Variants in MYO10 observed in about 807,000 individuals in gnomAD.
MYO10 encodes the protein unconventional myosin-X.
MYO10 carries 133 observed loss-of-function variants against 257.3 expected under a neutral mutation model. The ratio of observed to expected loss-of-function variants is 0.52; its 90% CI spans 0.45 to 0.60. The LOEUF (loss-of-function observed/expected upper bound fraction) is 0.60. Among genes scored for constraint, MYO10 ranks in the 20% least tolerant of loss-of-function variants. The probability of loss-of-function intolerance (pLI) is 0.00; values close to 1 mark genes in which losing one functional copy is unlikely to be tolerated. For synonymous variants in MYO10, 1,104 were observed against 1,028.6 expected, an observed-to-expected ratio of 1.07 and a Z score of -1.40; for missense variants, 2,399 against 2,635.7, an observed-to-expected ratio of 0.91 and a Z score of 1.97.
At chr5:16,858,885 G>A (rs1744036610) in intron 2 of MYO10, among the ~76,000 whole-genome samples, 3 of 152,174 alleles carry the variant, frequency 2.0e-5, no homozygotes, top group Admixed American at 2.0e-4. Flanking sequence ...TTGAACCCGG[G>A]AGGTGGAGGT....
intron 4 of MYO10, among the ~76,000 whole-genome samples, chr5:16,791,474 A>G (rs543770358): frequency 2.1e-3 from 316 of 151,884 alleles, no homozygotes; most frequent in African/African-American, 7.2e-3. Context: ...TCTGTTTGGG[A>G]TCCACCCCCC....
chr5:16,746,251 G>A (rs926781442), intron 19 of MYO10, among the ~76,000 whole-genome samples: 1 of 152,274 alleles, frequency 6.6e-6, no homozygotes, highest in East Asian at 1.9e-4. Context: ...GGTCACTCTC[G>A]TGGCCATCTT....
chr5:16,781,750 T>C lies in MYO10; in HGVS notation c.682A>G (p.Asn228Asp). ...SSRFGKFVQL[N>D]ICQKGNIQGG... ...TGAATATTTCCTTTCTGACAGATGT[T>C]CAGCTGAACAAACTTCCCAAAGCGA... Residue 228 changes from asparagine to aspartate, a missense_variant, in exon 6 of 41, where the codon AAC becomes GAC. This residue lies in a region of MYO10 where 337 missense variants were observed against 446.8 expected (regional missense o/e 0.75). Coordinates refer to ENST00000513610, the MANE Select transcript of MYO10 (RefSeq NM_012334.3). 6.2e-7 allele frequency: 1 copy of C among 1,614,002 alleles called. No individual in the cohort carries two copies.
rs182889742 is a variant in MYO10 at position 16,929,791 on chromosome 5, T to C, written c.21+5997A>G. Among the ~76,000 whole-genome samples, 339 of 152,280 alleles carry C rather than the reference T, an allele frequency of 2.2e-3. 1 individual carries two copies. The highest frequency in any genetic ancestry group is 7.9e-3 in the African/African-American group (330 of 41,558). On this transcript the variant is annotated intron_variant, in intron 1 of 40. Coordinates refer to ENST00000513610, the MANE Select transcript of MYO10 (RefSeq NM_012334.3). ...ACATGTTCAGTACAGATGCAATTTT[T>C]TTCTTGAATATTTTCAATCAGAGGT...
intron 36 of MYO10, among the ~76,000 whole-genome samples, chr5:16,673,100 T>C (rs149512758): frequency 2.0e-5 from 3 of 152,244 alleles, no homozygotes; most frequent in East Asian, 1.9e-4. Flanking sequence ...TGCAAACCTA[T>C]ATTAACAGGA....
intron 19 of MYO10, among the ~76,000 whole-genome samples, chr5:16,744,842 T>C (rs984410346): frequency 2.0e-5 from 3 of 152,028 alleles, no homozygotes; most frequent in Non-Finnish European, 4.4e-5. Context: ...GCATAATGTG[T>C]TGATGTTTAA....
At chr5:16,784,952 A>G (rs1741530751) in intron 4 of MYO10, among the ~76,000 whole-genome samples, 1 of 152,132 alleles carries the variant, frequency 6.6e-6, no homozygotes, top group Non-Finnish European at 1.5e-5. Context: ...CGATTCCACA[A>G]AGACATAATG....
chr5:16,923,319 G>A lies in MYO10; in HGVS notation c.21+12469C>T, dbSNP rs1334074184. 6.6e-5 allele frequency among the ~76,000 whole-genome samples: 10 copies of A among 150,540 alleles called. No individual in the cohort carries two copies. The South Asian group carries it at 1.7e-3, about 25-fold the overall frequency. The stretch of plus-strand genomic sequence containing the variant: ...TTTTTTTTTTTTGAGGCGGAATCTC[G>A]CTCCGTCGCCCAGGTGGAGTGCAGT... On this transcript the variant is annotated intron_variant, in intron 1 of 40. Coordinates refer to ENST00000513610, the MANE Select transcript of MYO10 (RefSeq NM_012334.3).
chr5:16,685,752 G>T lies in MYO10; in HGVS notation c.3976C>A (p.Pro1326Thr). 1.2e-6 allele frequency: 2 copies of T among 1,603,228 alleles called. No individual in the cohort carries two copies. The highest frequency in any genetic ancestry group is 1.7e-6 in the Non-Finnish European group (2 of 1,175,502). Reference protein sequence around the residue: ...IQEMHDEQANPQNAVGTLDVG... With the variant: ...IQEMHDEQANTQNAVGTLDVG... ...TGCTCCCGTACCACAGCATTCTGTG[G>T]GTTTGCCTGCTCATCATGCATCTCC... Residue 1326 changes from proline (P) to threonine (T), a missense_variant, in exon 29 of 41, where the codon CCA becomes ACA. Physicochemically the swap from Pro to Thr is conservative, Grantham distance 38. Transcript: ENST00000513610.
At chr5:16,890,437 T>A (rs1390381491) in intron 1 of MYO10, among the ~76,000 whole-genome samples, 1 of 151,834 alleles carries the variant, frequency 6.6e-6, no homozygotes, top group Non-Finnish European at 1.5e-5. Context: ...TGTACACAAA[T>A]GTTCATAGCA....
At chr5:16,720,456 T>A (rs907961169) in intron 19 of MYO10, among the ~76,000 whole-genome samples, 11 of 152,032 alleles carry the variant, frequency 7.2e-5, no homozygotes, top group Admixed American at 6.5e-5. Flanking sequence ...TTTTATTTTA[T>A]TTTAATTTAA....
intron 33 of MYO10, among the ~76,000 whole-genome samples, chr5:16,677,491 G>A (rs914858264): frequency 4.3e-5 from 6 of 140,288 alleles, no homozygotes; most frequent in Non-Finnish European, 7.6e-5. Flanking sequence ...TCTTGGCTCA[G>A]TGCAAGCTCC....
At chr5:16,822,756 C>T (rs1162728305) in intron 2 of MYO10, among the ~76,000 whole-genome samples, 6 of 150,576 alleles carry the variant, frequency 4.0e-5, no homozygotes, top group South Asian at 2.1e-4. Flanking sequence ...GGCACAATCT[C>T]GGCTCACCGC....
chr5:16,736,118 G>C (rs546513733), intron 19 of MYO10, among the ~76,000 whole-genome samples: 4 of 152,306 alleles, frequency 2.6e-5, no homozygotes, highest in East Asian at 3.9e-4. Flanking sequence ...AGTTGCTATA[G>C]AGTCTTTGAA....
At chr5:16,720,661 TGTTAGCCAGGATG>T (rs1739119660) in intron 19 of MYO10, among the ~76,000 whole-genome samples, 1 of 152,152 alleles carries the variant, frequency 6.6e-6, no homozygotes, top group Non-Finnish European at 1.5e-5. Flanking sequence ...GATTTCACCG[TGTTAGCCAGGATG>T]GTCTCCACCT....
intron 28 of MYO10, among the ~76,000 whole-genome samples, chr5:16,688,631 T>G (rs754916108): frequency 6.6e-6 from 1 of 151,778 alleles, no homozygotes; most frequent in Non-Finnish European, 1.5e-5. Context: ...TCCCAGCCAC[T>G]TGGGAGGCTG....
chr5:16,771,080 T>A (rs1183851480), intron 9 of MYO10, among the ~76,000 whole-genome samples: 1 of 152,156 alleles, frequency 6.6e-6, no homozygotes, highest in African/African-American at 2.4e-5. Flanking sequence ...GATTAATTTC[T>A]TTATAAAGAA....
At chr5:16,799,148 GT>G (rs1383917457) in intron 3 of MYO10, among the ~76,000 whole-genome samples, 1 of 150,992 alleles carries the variant, frequency 6.6e-6, no homozygotes, top group East Asian at 2.0e-4. Context: ...GAATGATCAT[GT>G]TTTTTAAACC....
At chr5:16,828,882 C>G (rs1454677472) in intron 2 of MYO10, among the ~76,000 whole-genome samples, 1 of 152,086 alleles carries the variant, frequency 6.6e-6, no homozygotes, top group Non-Finnish European at 1.5e-5. Context: ...ATGCCCAGCC[C>G]CAGTGTACTA....
Sources: gnomAD v4.1 joint callset for allele counts (sites outside exome capture counted in the v4.1 genomes callset) on GRCh38, gnomAD v4.1.1 for gene constraint, gnomAD v4.1.1 regional missense constraint, MANE v1.5 for transcripts, NCBI Gene and HGNC (gene_info 2026-07-23, HGNC 2026-07-21) for gene names.